CDC14B: variants seen among roughly 807,000 people sequenced by gnomAD.
The protein encoded by CDC14B is dual specificity protein phosphatase CDC14B.
CDC14B carries 22 observed loss-of-function variants against 64.2 expected under a neutral mutation model. The ratio of observed to expected loss-of-function variants is 0.34; its 90% CI spans 0.24 to 0.49. CDC14B has a LOEUF of 0.49. CDC14B is among the 20% of genes least tolerant of loss of function. The pLI, the probability that CDC14B is intolerant of heterozygous loss-of-function variation, is 0.99. For missense variants in CDC14B, 498 were observed against 629.9 expected (o/e 0.79, Z 2.24); for synonymous variants, 191 against 215.8 (o/e 0.89, Z 1.01).
intron 3 of CDC14B, 88 bp from the exon 4 acceptor site, chr9:96,562,873 C>T (rs1456530617): frequency 1.2e-6 from 1 of 853,942 alleles, no homozygotes; most frequent in East Asian, 2.4e-5. Flanking sequence ...AATTCCAAAT[C>T]CCATAACCAT....
intron 1 of CDC14B, among the ~76,000 whole-genome samples, chr9:96,581,553 C>A (rs1588027563): frequency 1.4e-5 from 2 of 139,260 alleles, no homozygotes; most frequent in East Asian, 1.9e-4. Flanking sequence ...CAGAAAAATG[C>A]CCCTCCCAAA....
In CDC14B at chr9:96,619,156, G is replaced by C. The variant is rs1387305221; in HGVS notation, c.160+63C>G. 12 of 1,200,098 alleles carry C rather than the reference G, an allele frequency of 1.0e-5. No homozygotes were observed. In the African/African-American group the frequency reaches 1.9e-4, roughly 19 times the overall value. 74.3% of individuals were successfully genotyped at this position (1,200,098 alleles called of 1,614,324 possible). A position where few individuals can be genotyped will look rare whatever the true frequency, so the allele number is the denominator to read the frequency against. ...GCCCCGGGCAGCCCGGTGGGAGGTG[G>C]GCCAGGGCCCCGCGCCGGGTGCGGC... On this transcript the variant is annotated intron_variant, in intron 1 of 13. Coordinates refer to ENST00000375241, the MANE Select transcript of CDC14B (RefSeq NM_033331.4).
chr9:96,512,906 G>C (rs1835113102), intron 12 of CDC14B, among the ~76,000 whole-genome samples: 1 of 151,500 alleles, frequency 6.6e-6, no homozygotes, highest in Non-Finnish European at 1.5e-5. Context: ...TTGGCCAAAA[G>C]TACAGACAAC....
At chr9:96,540,202 G>C (rs916101443) in intron 6 of CDC14B, among the ~76,000 whole-genome samples, 4 of 152,150 alleles carry the variant, frequency 2.6e-5, no homozygotes, top group Non-Finnish European at 4.4e-5. Context: ...ATTTCATGAG[G>C]TGATCTTATT....
At chr9:96,571,765 T>C (rs1054362810) in intron 1 of CDC14B, among the ~76,000 whole-genome samples, 1 of 151,684 alleles carries the variant, frequency 6.6e-6, no homozygotes, top group Non-Finnish European at 1.5e-5. Flanking sequence ...GGAAACAGAG[T>C]CTCTTTGATG....
At chr9:96,534,425 A>G (rs1345020802) in intron 8 of CDC14B, 30 bp downstream of exon 8, 2 of 1,439,274 alleles carry the variant, frequency 1.4e-6, no homozygotes, top group Non-Finnish European at 9.8e-7. Flanking sequence ...TTCAATAACA[A>G]AATGAGATTA....
intron 1 of CDC14B, among the ~76,000 whole-genome samples, chr9:96,578,699 A>C (rs567383870): frequency 5.3e-5 from 8 of 152,364 alleles, no homozygotes; most frequent in African/African-American, 1.9e-4. Context: ...TTAGGTGACT[A>C]GGCAGATGAC....
Position 96,523,369 on chromosome 9 carries a change from C to G in CDC14B, c.1137G>C (p.Lys379Asn), listed in dbSNP as rs1837046157. ...LEGDYFRQKLKGQENGQHRAA... is the reference protein window; with the variant it reads ...LEGDYFRQKLNGQENGQHRAA... ...CTCTGTGTTGTCCATTCTCCTGCCC[C>G]TTTAACTTCTGACGAAAATAGTCCC... Residue 379 changes from lysine to asparagine, a missense_variant, in exon 11 of 14, where the codon AAG becomes AAC. Transcript: ENST00000375241. The G allele has an allele frequency of 6.2e-7, 1 of 1,614,062 alleles. No individual in the cohort carries two copies. The highest frequency in any genetic ancestry group is 1.3e-5 in the African/African-American group (1 of 74,914).
chr9:96,585,257 C>G (rs1354572798), intron 1 of CDC14B, among the ~76,000 whole-genome samples: 1 of 150,566 alleles, frequency 6.6e-6, no homozygotes, highest in East Asian at 1.9e-4. Flanking sequence ...ATGTGCAGAA[C>G]GTGTATACAT....
chr9:96,558,083 T>C (rs1179166636), intron 4 of CDC14B, among the ~76,000 whole-genome samples: 3 of 152,244 alleles, frequency 2.0e-5, no homozygotes, highest in Admixed American at 6.5e-5. Context: ...CTCACTCATA[T>C]GCAGGAGCTA....
chr9:96,595,870 A>G (rs534193903), intron 1 of CDC14B, among the ~76,000 whole-genome samples: 26 of 152,312 alleles, frequency 1.7e-4, no homozygotes, highest in African/African-American at 6.3e-4. Flanking sequence ...AAAATATATT[A>G]AAATCAGATC....
At chr9:96,616,711 G>A (rs145495235) in intron 1 of CDC14B, among the ~76,000 whole-genome samples, 313 of 149,828 alleles carry the variant, frequency 2.1e-3, no homozygotes, top group African/African-American at 7.4e-3. Context: ...GCAACAGAGC[G>A]AGACTCTGTC....
Position 96,619,288 on chromosome 9 carries a change from T to A in CDC14B, c.91A>T (p.Ile31Phe), listed in dbSNP as rs552241290. ...GGGTCTTGCTGCGTGGAGCTGCGGA[T>A]CTTCTTCACACCCGGCGAGGTCGAC... Reference protein sequence around the residue: ...CSSTSPGVKKIRSSTQQDPRR... With the variant: ...CSSTSPGVKKFRSSTQQDPRR... The change falls in exon 1 of 14, where the codon ATC (isoleucine) becomes TTC (phenylalanine). Residue 31 changes from isoleucine (I) to phenylalanine (F), a missense_variant. Ile to Phe is a conservative substitution (Grantham distance 21, BLOSUM62 0). Transcript: ENST00000375241. 5.0e-5 allele frequency: 67 copies of A among 1,348,276 alleles called. 2 individuals carry two copies. The African/African-American group carries it at 7.7e-4, about 15-fold the overall frequency. 83.5% of individuals were successfully genotyped at this position (1,348,276 alleles called of 1,614,324 possible). A position where few individuals can be genotyped will look rare whatever the true frequency, so the allele number is the denominator to read the frequency against.
chr9:96,566,966 C>T (rs1844091444), intron 1 of CDC14B: 3 of 1,463,362 alleles, frequency 2.1e-6, no homozygotes, highest in Admixed American at 5.1e-5. Flanking sequence ...GGCGGCCCAA[C>T]GGCCTGACAC....
At chr9:96,517,819 C>T (rs1206601421) in intron 12 of CDC14B, among the ~76,000 whole-genome samples, 1 of 151,188 alleles carries the variant, frequency 6.6e-6, no homozygotes, top group African/African-American at 2.4e-5. Context: ...CCTGTTCATG[C>T]CACCATGCCC....
At chr9:96,600,228 C>T (rs920159618) in intron 1 of CDC14B, among the ~76,000 whole-genome samples, 1 of 149,842 alleles carries the variant, frequency 6.7e-6, no homozygotes, top group African/African-American at 2.5e-5. Context: ...GAGCCCATCT[C>T]TACCAAAAAA....
At chr9:96,512,510 A>G (rs1835051677) in intron 12 of CDC14B, among the ~76,000 whole-genome samples, 1 of 151,778 alleles carries the variant, frequency 6.6e-6, no homozygotes, top group Non-Finnish European at 1.5e-5. Flanking sequence ...TATTTTATAG[A>G]GATGGGGTCT....
Position 96,514,474 on chromosome 9 carries a change from A to T in CDC14B, c.1344-4685T>A, listed in dbSNP as rs775710837. On this transcript the variant is annotated intron_variant, in intron 12 of 13. Coordinates refer to ENST00000375241, the MANE Select transcript of CDC14B (RefSeq NM_033331.4). ...CTTTTATTTGTAAGATATTCAAGAA[A>T]ATGCCATAAATAGGAGCAAGTTAAG... is the stretch of plus-strand genomic sequence containing the variant. 1.0e-5 allele frequency: 10 copies of T among 985,424 alleles called. No homozygotes were observed. In the South Asian group the frequency reaches 3.8e-4, roughly 37 times the overall value. 61.0% of individuals were successfully genotyped at this position (985,424 alleles called of 1,614,324 possible).
At chr9:96,581,905 A>C (rs926077905) in intron 1 of CDC14B, among the ~76,000 whole-genome samples, 1 of 152,196 alleles carries the variant, frequency 6.6e-6, no homozygotes, top group Admixed American at 6.5e-5. Flanking sequence ...AAATGGAAAG[A>C]TGCGATAACA....
Sources: gnomAD v4.1 joint callset for allele counts (sites outside exome capture counted in the v4.1 genomes callset) on GRCh38, gnomAD v4.1.1 for gene constraint, MANE v1.5 for transcripts, NCBI Gene and HGNC (gene_info 2026-07-23, HGNC 2026-07-21) for gene names.